Variants in C10orf105 observed in about 807,000 individuals in gnomAD.
C10orf105 encodes the protein uncharacterized protein C10orf105.
Under a neutral mutation model 0.6 loss-of-function variants are expected in C10orf105, and 2 were observed. The observed-to-expected ratio is 3.18, with a 90% CI of 1.30 to 10.01. The LOEUF (loss-of-function observed/expected upper bound fraction) is 10.01, where lower values mean the gene tolerates loss of function less well. C10orf105 is among the 30% of genes most tolerant of loss of function. The pLI is 0.04. For missense variants in C10orf105, 209 were observed against 191.4 expected, an observed-to-expected ratio of 1.09 and a Z score of -0.54; for synonymous variants, 95 against 82.4, an observed-to-expected ratio of 1.15 and a Z score of -0.83.
At chr10:71,732,460 CTT>C in intron 1 of C10orf105, 2 of 1,522,330 alleles carry the variant, frequency 1.3e-6, no homozygotes, top group South Asian at 2.4e-5. Context: ...GCACTCTCCT[CTT>C]TGTCATAAAA....
At chr10:71,723,965 G>GAAGGA (rs1447552947), upstream of C10orf105, 20 of 1,491,504 alleles carry the variant, frequency 1.3e-5, no homozygotes, top group South Asian at 1.1e-4. Flanking sequence ...TGCGTGAAGG[G>GAAGGA]AAGGAAAGGA....
chr10:71,732,118 G>A lies in C10orf105; in HGVS notation c.-6+5610C>T, dbSNP rs758413650. 31 of 1,614,012 alleles carry A rather than the reference G, an allele frequency of 1.9e-5. No homozygotes were observed. In the South Asian group the frequency reaches 3.1e-4, roughly 16 times the overall value. On this transcript the variant is annotated intron_variant, in intron 1 of 1. Coordinates refer to the C10orf105 transcript ENST00000398786. ...GACCAAGACCAGCTACATGATGAAT[G>A]TGTCGGCCACTGACCAGGCCCCGCC...
At position 71,734,244 on chromosome 10, in the gene C10orf105, T is replaced by C. The variant is rs1174346813; in HGVS notation, c.-6+3484A>G. On this transcript the variant is annotated intron_variant, in intron 1 of 1. Coordinates refer to the C10orf105 transcript ENST00000398786. ...CATCTGGCCCCTTCCCTGCAGGGTG[T>C]GATCACAGTCCAGGGCCTGGTGGAC... The C allele has an allele frequency of 1.2e-6, 2 of 1,609,166 alleles. No homozygotes were observed. Among genetic ancestry groups the C allele is most frequent in the African/African-American group, 2.7e-5 (2 of 74,876 alleles).
rs1017208782 is a variant in C10orf105 at position 71,711,769 on chromosome 10, G to T, written c.*4167C>A. ...TTCAATTTCTCATGAGAAATCAGAA[G>T]ATCTGGTGTCTCTGGGCCCACATTC... On this transcript the variant is annotated 3_prime_UTR_variant, in exon 2 of 2. Coordinates refer to ENST00000441508, the MANE Select transcript of C10orf105 (RefSeq NM_001164375.3). 1.3e-5 allele frequency: 2 copies of T among 152,182 alleles called. No homozygotes were observed. The highest frequency in any genetic ancestry group is 2.4e-5 in the African/African-American group (1 of 41,440). The allele number at this position is 152,182 out of a possible 1,614,324, so 9.4% of individuals were successfully genotyped here.
intron 1 of C10orf105, chr10:71,725,663 C>T: frequency 4.0e-6 from 4 of 996,418 alleles, no homozygotes; most frequent in Non-Finnish European, 5.7e-6. Flanking sequence ...CCTAAGGGTT[C>T]GGTGACAGGT....
chr10:71,713,067 C>T lies in C10orf105; in HGVS notation c.*2869G>A, dbSNP rs2132761524. The T allele has an allele frequency of 1.3e-6, 1 of 744,212 alleles. No individual in the cohort carries two copies. Among genetic ancestry groups the T allele is most frequent in the Non-Finnish European group, 2.5e-6 (1 of 400,782 alleles). 46.1% of individuals were successfully genotyped at this position (744,212 alleles called of 1,614,324 possible). A position where few individuals can be genotyped will look rare whatever the true frequency, so the allele number is the denominator to read the frequency against. On this transcript the variant is annotated 3_prime_UTR_variant, in exon 2 of 2. Coordinates refer to ENST00000441508, the MANE Select transcript of C10orf105 (RefSeq NM_001164375.3). The stretch of plus-strand genomic sequence containing the variant: ...CAAACAGGAGGAAGACTTGGCCTCC[C>T]CCTGCATATCTCCCGCCCCACCCAG...
At position 71,730,551 on chromosome 10, in the gene C10orf105, C is replaced by T. The variant is rs1427983030; in HGVS notation, c.-6+7177G>A. 2 of 1,613,974 alleles carry T rather than the reference C, an allele frequency of 1.2e-6. No individual in the cohort carries two copies. The highest frequency in any genetic ancestry group is 1.7e-6 in the Non-Finnish European group (2 of 1,179,888). On this transcript the variant is annotated intron_variant, in intron 1 of 1. Transcript: ENST00000398786. ...TACAGCCGTCTGGGGCTTCGAGAGA[C>T]CGCAGGCATTGGAACGTCAGTCATC...
chr10:71,725,145 A>T (rs1433450174), intron 1 of C10orf105, among the ~76,000 whole-genome samples: 1 of 152,216 alleles, frequency 6.6e-6, no homozygotes, highest in African/African-American at 2.4e-5. Context: ...AAAGAGCTGC[A>T]GGCCTTCCCG....
intron 1 of C10orf105, among the ~76,000 whole-genome samples, chr10:71,727,705 C>A (rs1866880998): frequency 6.6e-6 from 1 of 152,184 alleles, no homozygotes; most frequent in South Asian, 2.1e-4. Flanking sequence ...ACCTCCTCTC[C>A]CTGTCCTCCT....
At chr10:71,723,909 C>G (rs560343704), upstream of C10orf105, 77 of 958,776 alleles carry the variant, frequency 8.0e-5, no homozygotes, top group East Asian at 1.2e-3. Flanking sequence ...CTCCCACACC[C>G]CCAGCCTCTG....
chr10:71,712,658 C>A lies in C10orf105; in HGVS notation c.*3278G>T, dbSNP rs776427467. ...TGCTAACACCTGTCTTCCTTCAACT[C>A]CCACAGACAACGGCCCTGTAGGGAA... On this transcript the variant is annotated 3_prime_UTR_variant, in exon 2 of 2. Transcript: ENST00000441508. 1.2e-6 allele frequency: 2 copies of A among 1,613,008 alleles called. No homozygotes were observed. Among genetic ancestry groups the A allele is most frequent in the South Asian group, 2.2e-5 (2 of 91,066 alleles).
At chr10:71,727,968 A>G (rs1386755559) in intron 1 of C10orf105, among the ~76,000 whole-genome samples, 1 of 152,134 alleles carries the variant, frequency 6.6e-6, no homozygotes, top group Non-Finnish European at 1.5e-5. Context: ...GGCTGGTGGC[A>G]TGTAGCCAGA....
chr10:71,729,673 T>A (rs1389023998), intron 1 of C10orf105, among the ~76,000 whole-genome samples: 1 of 152,196 alleles, frequency 6.6e-6, no homozygotes, highest in Non-Finnish European at 1.5e-5. Context: ...ACTGACATTC[T>A]CTACTACAAC....
chr10:71,732,355 T>C, intron 1 of C10orf105: 1 of 1,571,954 alleles, frequency 6.4e-7, no homozygotes, highest in Non-Finnish European at 8.6e-7. Flanking sequence ...CAAAGCCCTC[T>C]TCAAGATAGA....
In C10orf105 at chr10:71,716,106, G is replaced by A. The variant is rs753593250; in HGVS notation, c.232C>T (p.His78Tyr). 146 of 1,543,888 alleles carry A rather than the reference G, an allele frequency of 9.5e-5. No homozygotes were observed. The highest frequency in any genetic ancestry group is 2.4e-4 in the Admixed American group (12 of 50,416). The stretch of plus-strand genomic sequence containing the variant: ...TGGGGCTCACTGGGGCTCCCAGGGT[G>A]GTGGGGCATGCACTCGTGAGCCCTG... ...RRRAHECMPH[H>Y]PGSPSEPQLR... The change falls in exon 2 of 2, where the codon CAC (histidine) becomes TAC (tyrosine). Residue 78 changes from histidine (H) to tyrosine (Y), a missense_variant. His to Tyr is a moderately conservative substitution (Grantham distance 83, BLOSUM62 2). Coordinates refer to ENST00000441508, the MANE Select transcript of C10orf105 (RefSeq NM_001164375.3).
chr10:71,727,690 C>T (rs542408112), intron 1 of C10orf105, among the ~76,000 whole-genome samples: 18 of 152,246 alleles, frequency 1.2e-4, no homozygotes, highest in Admixed American at 2.6e-4. Flanking sequence ...CATATGCCCA[C>T]GCACACCTCC....
intron 1 of C10orf105, chr10:71,725,619 C>T: frequency 7.3e-7 from 1 of 1,368,388 alleles, no homozygotes; most frequent in South Asian, 1.4e-5. Context: ...GTGGGCAGGG[C>T]CACCACTGAT....
At chr10:71,725,390 T>G (rs1866762017) in intron 1 of C10orf105, 2 of 1,613,932 alleles carry the variant, frequency 1.2e-6, no homozygotes, top group Non-Finnish European at 1.7e-6. Context: ...GGCAACAACT[T>G]CCGGATCCAT....
intron 1 of C10orf105, among the ~76,000 whole-genome samples, chr10:71,731,022 C>A (rs1257496346): frequency 6.6e-6 from 1 of 152,240 alleles, no homozygotes; most frequent in Non-Finnish European, 1.5e-5. Context: ...CACACGCAGA[C>A]CCCCTGACCC....
Sources: allele counts gnomAD v4.1 joint callset (sites outside exome capture counted in the v4.1 genomes callset), GRCh38; gene constraint gnomAD v4.1.1; transcripts MANE v1.5; gene names NCBI Gene and HGNC (gene_info 2026-07-23, HGNC 2026-07-21).